DEFB136: variants seen among roughly 807,000 people sequenced by gnomAD.
The protein encoded by DEFB136 is beta-defensin 136.
Under a neutral mutation model 2.4 loss-of-function variants are expected in DEFB136, and 6 were observed. That is an observed-to-expected ratio of 2.45 (90% CI 1.34 to 4.84). The LOEUF (loss-of-function observed/expected upper bound fraction) is 4.84. Ranked by LOEUF, DEFB136 falls within the 30% of genes most tolerant of loss-of-function variation. The probability of loss-of-function intolerance (pLI) is 0.00; values close to 1 mark genes in which losing one functional copy is unlikely to be tolerated. For synonymous variants in DEFB136, 47 were observed against 35.2 expected, an observed-to-expected ratio of 1.33 and a Z score of -1.18; for missense variants, 126 against 98.4, an observed-to-expected ratio of 1.28 and a Z score of -1.19.
intron 1 of DEFB136, 68 bp downstream of exon 1, chr8:11,974,477 G>C: frequency 6.4e-7 from 1 of 1,564,530 alleles, no homozygotes; most frequent in South Asian, 1.1e-5. Context: ...ATAGTTAGAG[G>C]GTTTTTTAAG....
intron 1 of DEFB136, among the ~76,000 whole-genome samples, 141 bp downstream of exon 1, chr8:11,974,389 CAGGGCAGGAGCTGGG>C (rs1206761132): frequency 3.9e-5 from 6 of 152,334 alleles, no homozygotes; most frequent in South Asian, 2.1e-4. Context: ...AACAGCAGAG[CAGGGCAGGAGCTGGG>C]GTCCGCTCAC....
intron 1 of DEFB136, 81 bp downstream of exon 1, chr8:11,974,464 C>A: frequency 6.5e-7 from 1 of 1,533,716 alleles, no homozygotes; most frequent in Non-Finnish European, 9.0e-7. Context: ...TGTTGCTGGG[C>A]TTATAGTTAG....
chr8:11,974,288 G>A (rs1799550389), intron 1 of DEFB136, among the ~76,000 whole-genome samples, 170 bp from the exon 2 acceptor site: 1 of 152,126 alleles, frequency 6.6e-6, no homozygotes, highest in Non-Finnish European at 1.5e-5. Flanking sequence ...GGCATTGGAG[G>A]GGAGATAGGA....
At position 11,974,079 on chromosome 8, in the gene DEFB136, G is replaced by T. The variant is rs750091248; in HGVS notation, c.95C>A (p.Thr32Asn). 98 of 1,595,944 alleles carry T rather than the reference G, an allele frequency of 6.1e-5. No individual in the cohort carries two copies. Among genetic ancestry groups the T allele is most frequent in the Non-Finnish European group, 7.8e-5 (91 of 1,172,976 alleles). Residue 32 changes from threonine (T) to asparagine (N), a missense_variant, in exon 2 of 2, where the codon ACC (threonine) becomes AAC (asparagine). Thr to Asn is a moderately conservative substitution (Grantham distance 65, BLOSUM62 0). Transcript: ENST00000382209. Reference protein sequence around the residue: ...MFGNDGVKVRTCTSQKAVCFF... With the variant: ...MFGNDGVKVRNCTSQKAVCFF... The stretch of plus-strand genomic sequence containing the variant: ...ACATACGGCTTTCTGGCTAGTGCAG[G>T]TGCGAACTTTGACTCCATCATTCCC...
chr8:11,974,090 G>C lies in DEFB136; in HGVS notation c.84C>G (p.Val28=). The C allele has an allele frequency of 1.3e-6, 2 of 1,588,750 alleles. No homozygotes were observed. The highest frequency in any genetic ancestry group is 1.7e-6 in the Non-Finnish European group (2 of 1,169,840). The change falls in exon 2 of 2, where the codon GTC becomes GTG. Residue 28 remains valine, a synonymous_variant. Coordinates refer to ENST00000382209, the MANE Select transcript of DEFB136 (RefSeq NM_001033018.2). ...SGKGMFGNDG[V]KVRTCTSQKA... The stretch of plus-strand genomic sequence containing the variant: ...TCTGGCTAGTGCAGGTGCGAACTTT[G>C]ACTCCATCATTCCCAAACATACCTT...
At position 11,973,957 on chromosome 8, in the gene DEFB136, T is replaced by C; in HGVS notation, c.217A>G (p.Lys73Glu). 2 of 1,596,928 alleles carry C rather than the reference T, an allele frequency of 1.3e-6. No individual in the cohort carries two copies. ...TCCTTTTAATGAACCCATGGATCTTTGGCTTGCGGGGGTTGAAAACGTGTC... is the reference window on the plus strand; with the variant it reads ...TCCTTTTAATGAACCCATGGATCTTCGGCTTGCGGGGGTTGAAAACGTGTC... Reference protein sequence around the residue: ...NMTRFQPPQAKDPWVH With the variant: ...NMTRFQPPQAEDPWVH The change falls in exon 2 of 2, where the codon AAA becomes GAA. Residue 73 changes from lysine to glutamate, a missense_variant. Lys to Glu is a moderately conservative substitution (Grantham distance 56). Coordinates refer to ENST00000382209, the MANE Select transcript of DEFB136 (RefSeq NM_001033018.2).
Position 11,974,544 on chromosome 8 carries a change from C to T in DEFB136, c.55+1G>A. ...GTTCAGACTCACGCCCACTGTCTTA[C>T]CTGAAGGCAGTAAGATCACCAGGAA... On this transcript the variant is annotated splice_donor_variant, in intron 1 of 1. Transcript: ENST00000382209. LOFTEE classifies it high-confidence loss of function. The T allele has an allele frequency of 6.2e-7, 1 of 1,614,074 alleles. No individual in the cohort carries two copies. The highest frequency in any genetic ancestry group is 1.1e-5 in the South Asian group (1 of 91,070).
Position 11,974,028 on chromosome 8 carries a change from C to T in DEFB136, c.146G>A (p.Arg49Lys). The change falls in exon 2 of 2, where the codon AGG becomes AAG. Residue 49 changes from arginine to lysine, a missense_variant. Coordinates refer to ENST00000382209, the MANE Select transcript of DEFB136 (RefSeq NM_001033018.2). ...AATATTGTGGCAGAACGCAATCCACCTGTATCCTGGCGGACACCCGAAGAA... is the reference window on the plus strand; with the variant it reads ...AATATTGTGGCAGAACGCAATCCACTTGTATCCTGGCGGACACCCGAAGAA... Reference protein sequence around the residue: ...VCFFGCPPGYRWIAFCHNILS... With the variant: ...VCFFGCPPGYKWIAFCHNILS... 1 of 1,612,156 alleles carries T rather than the reference C, an allele frequency of 6.2e-7. No homozygotes were observed. Among genetic ancestry groups the T allele is most frequent in the Non-Finnish European group, 8.5e-7 (1 of 1,179,112 alleles).
chr8:11,974,550 G>T lies in DEFB136; in HGVS notation c.50C>A (p.Pro17His). 1 of 1,614,152 alleles carries T rather than the reference G, an allele frequency of 6.2e-7. No homozygotes were observed. The highest frequency in any genetic ancestry group is 8.5e-7 in the Non-Finnish European group (1 of 1,179,982). ...ACTCACGCCCACTGTCTTACCTGAA[G>T]GCAGTAAGATCACCAGGAAAAAGAG... The part of the protein sequence containing the change: ...ALLFFLVILL[P>H]SGKGMFGNDG... Residue 17 changes from proline to histidine, a missense_variant, in exon 1 of 2, where the codon CCT becomes CAT. Physicochemically the swap from Pro to His is moderately conservative, Grantham distance 77. Coordinates refer to ENST00000382209, the MANE Select transcript of DEFB136 (RefSeq NM_001033018.2).
rs747374701 is a variant in DEFB136, at chr8:11,974,134, A to C, written c.56-16T>G. On this transcript the variant is annotated splice_polypyrimidine_tract_variant and intron_variant, in intron 1 of 1. Coordinates refer to ENST00000382209, the MANE Select transcript of DEFB136 (RefSeq NM_001033018.2). ...ATACCTTTTCCTGAAGCGGGGAGAG[A>C]CCACAGAAAAGAAAAATCAATCTTA... The C allele has an allele frequency of 6.7e-5, 102 of 1,531,262 alleles. No individual in the cohort carries two copies. The highest frequency in any genetic ancestry group is 2.4e-4 in the Admixed American group (11 of 45,978). 94.9% of individuals were successfully genotyped at this position (1,531,262 alleles called of 1,614,324 possible).
At chr8:11,974,438 T>G in intron 1 of DEFB136, 107 bp downstream of exon 1, 8 of 1,327,106 alleles carry the variant, frequency 6.0e-6, no homozygotes, top group Non-Finnish European at 8.6e-6. Flanking sequence ...TGGTGGCCCA[T>G]TTGATATTGG....
intron 1 of DEFB136, 106 bp downstream of exon 1, chr8:11,974,439 T>A (rs7461062): frequency 1.5e-6 from 2 of 1,340,542 alleles, no homozygotes; most frequent in East Asian, 4.6e-5. Flanking sequence ...GGTGGCCCAT[T>A]TGATATTGGT....
At chr8:11,974,262 G>C in intron 1 of DEFB136, 144 bp from the exon 2 acceptor site, 1 of 1,162,852 alleles carries the variant, frequency 8.6e-7, no homozygotes. Flanking sequence ...GGCAGATAAA[G>C]CTCAGGGTAG....
In DEFB136 at chr8:11,974,573, G is replaced by C; in HGVS notation, c.27C>G (p.Leu9=). The C allele has an allele frequency of 6.2e-7, 1 of 1,614,142 alleles. No homozygotes were observed. The highest frequency in any genetic ancestry group is 1.1e-5 in the South Asian group (1 of 91,082). Residue 9 remains leucine (L), a synonymous_variant, in exon 1 of 2, where the codon CTC becomes CTG. Coordinates refer to ENST00000382209, the MANE Select transcript of DEFB136 (RefSeq NM_001033018.2). ...AAGGCAGTAAGATCACCAGGAAAAA[G>C]AGTAATGCAGAAAGACAGAGGTTCA... MNLCLSAL[L]FFLVILLPSG... is the part of the protein sequence containing the mutation.
At chr8:11,974,206 G>T (rs948702720) in intron 1 of DEFB136, 88 bp from the exon 2 acceptor site, 1 of 1,448,710 alleles carries the variant, frequency 6.9e-7, no homozygotes, top group African/African-American at 1.4e-5. Flanking sequence ...CCTGGTTGAT[G>T]GCTTGTTAGT....
At chr8:11,974,478 G>GT in intron 1 of DEFB136, 67 bp downstream of exon 1, 2 of 1,572,396 alleles carry the variant, frequency 1.3e-6, no homozygotes, top group South Asian at 1.1e-5. Context: ...TAGTTAGAGG[G>GT]TTTTTTAAGC....
chr8:11,974,425 A>G (rs1799554064), intron 1 of DEFB136, 120 bp downstream of exon 1: 2 of 1,236,830 alleles, frequency 1.6e-6, no homozygotes, highest in Non-Finnish European at 2.3e-6. Context: ...CATGCCCCTA[A>G]CATGGTGGCC....
intron 1 of DEFB136, 148 bp from the exon 2 acceptor site, chr8:11,974,266 A>C (rs1050439996): frequency 3.5e-6 from 4 of 1,152,438 alleles, no homozygotes; most frequent in Admixed American, 5.4e-5. Flanking sequence ...GATAAAGCTC[A>C]GGGTAGCCAG....
chr8:11,974,543 A>G lies in DEFB136; in HGVS notation c.55+2T>C. 6.2e-7 allele frequency: 1 copy of G among 1,614,128 alleles called. No individual in the cohort carries two copies. Among genetic ancestry groups the G allele is most frequent in the African/African-American group, 1.3e-5 (1 of 75,044 alleles). ...TGTTCAGACTCACGCCCACTGTCTT[A>G]CCTGAAGGCAGTAAGATCACCAGGA... is the stretch of plus-strand genomic sequence containing the variant. On this transcript the variant is annotated splice_donor_variant, in intron 1 of 1. Coordinates refer to ENST00000382209, the MANE Select transcript of DEFB136 (RefSeq NM_001033018.2). LOFTEE classifies it high-confidence loss of function.
Sources: gnomAD v4.1 joint callset for allele counts (sites outside exome capture counted in the v4.1 genomes callset) on GRCh38, gnomAD v4.1.1 for gene constraint, MANE v1.5 for transcripts, NCBI Gene and HGNC (gene_info 2026-07-23, HGNC 2026-07-21) for gene names.